PDIA5: variants seen among roughly 807,000 people sequenced by gnomAD.
PDIA5 encodes protein disulfide-isomerase A5.
PDIA5 carries 58 observed loss-of-function variants against 77.6 expected under a neutral mutation model. The observed-to-expected ratio is 0.75, with a 90% CI of 0.61 to 0.93. The LOEUF is 0.93. Among genes scored for constraint, PDIA5 ranks in the 40% least tolerant of loss-of-function variants. PDIA5 has a pLI of 0.00. For missense variants in PDIA5, 630 were observed against 647.7 expected (o/e 0.97, Z 0.30); for synonymous variants, 250 against 252.1 (o/e 0.99, Z 0.08).
intron 14 of PDIA5, among the ~76,000 whole-genome samples, chr3:123,152,632 G>A (rs955744586): frequency 6.6e-6 from 1 of 152,052 alleles, no homozygotes; most frequent in African/African-American, 2.4e-5. Context: ...GCCTGATAGA[G>A]GTCTAAAGGA....
At chr3:123,077,604 G>A (rs947116114) in intron 1 of PDIA5, among the ~76,000 whole-genome samples, 5 of 151,334 alleles carry the variant, frequency 3.3e-5, no homozygotes, top group Admixed American at 2.6e-4. Context: ...CCACCATTCA[G>A]GGACTCATGT....
chr3:123,160,882 A>G (rs887505501), intron 15 of PDIA5, among the ~76,000 whole-genome samples: 1 of 152,184 alleles, frequency 6.6e-6, no homozygotes, highest in Non-Finnish European at 1.5e-5. Context: ...CCAAGAGTGC[A>G]CTTGGGGAAC....
chr3:123,152,163 G>A, intron 14 of PDIA5, among the ~76,000 whole-genome samples: 1 of 143,208 alleles, frequency 7.0e-6, no homozygotes, highest in Admixed American at 6.9e-5. Flanking sequence ...CTGCCTTCCA[G>A]CCTGCCTGCC....
intron 1 of PDIA5, among the ~76,000 whole-genome samples, chr3:123,076,970 C>G (rs1027668871): frequency 2.6e-5 from 4 of 152,220 alleles, no homozygotes; most frequent in African/African-American, 9.7e-5. Context: ...TTGACAGCAA[C>G]ATTTGTGCCA....
chr3:123,074,079 A>G lies in PDIA5; in HGVS notation c.42+6873A>G, dbSNP rs560833734. 4.6e-5 allele frequency among the ~76,000 whole-genome samples: 7 copies of G among 152,290 alleles called. No individual in the cohort carries two copies. In the South Asian group the frequency reaches 1.4e-3, roughly 32 times the overall value. On this transcript the variant is annotated intron_variant, in intron 1 of 16. Transcript: ENST00000316218. Reference sequence around the variant, plus strand: ...GGGCAGAGTATTAGTACATGCCCCTATTTCAAAGGAAGGTGGACCAACATC... The same window carrying G: ...GGGCAGAGTATTAGTACATGCCCCTGTTTCAAAGGAAGGTGGACCAACATC...
At chr3:123,096,698 T>C (rs1040568826) in intron 3 of PDIA5, among the ~76,000 whole-genome samples, 1 of 152,200 alleles carries the variant, frequency 6.6e-6, no homozygotes, top group Non-Finnish European at 1.5e-5. Context: ...ATCTGACTTC[T>C]GTCTAGGGTT....
intron 1 of PDIA5, among the ~76,000 whole-genome samples, chr3:123,087,918 C>G (rs535105116): frequency 6.6e-6 from 1 of 152,298 alleles, no homozygotes; most frequent in East Asian, 1.9e-4. Flanking sequence ...TCAGTTTCCC[C>G]AGAGGGAAAT....
intron 8 of PDIA5, among the ~76,000 whole-genome samples, chr3:123,118,354 C>G (rs187281065): frequency 6.6e-6 from 1 of 152,316 alleles, no homozygotes; most frequent in Admixed American, 6.5e-5. Context: ...CCACAGTATT[C>G]TCTCTGCCTG....
chr3:123,124,386 G>T, intron 10 of PDIA5, 43 bp downstream of exon 10: 1 of 1,429,340 alleles, frequency 7.0e-7, no homozygotes, highest in South Asian at 1.1e-5. Context: ...GACCCAGAGG[G>T]CGGGGCATCT....
intron 15 of PDIA5, among the ~76,000 whole-genome samples, chr3:123,160,833 G>A (rs1395578840): frequency 6.6e-6 from 1 of 152,118 alleles, no homozygotes; most frequent in Non-Finnish European, 1.5e-5. Context: ...GGCACCAAGA[G>A]GCTGAGTTAT....
chr3:123,158,822 A>G (rs947980682), intron 15 of PDIA5, among the ~76,000 whole-genome samples: 2 of 152,258 alleles, frequency 1.3e-5, no homozygotes, highest in Admixed American at 1.3e-4. Context: ...TGATCAGTGC[A>G]AATCTTGAGT....
chr3:123,118,440 C>T (rs945515874), intron 8 of PDIA5, among the ~76,000 whole-genome samples: 12 of 152,136 alleles, frequency 7.9e-5, no homozygotes, highest in African/African-American at 2.9e-4. Context: ...AGCTCAGCCC[C>T]AAATCAGATC....
At chr3:123,142,642 A>G (rs1935668377) in intron 11 of PDIA5, among the ~76,000 whole-genome samples, 1 of 152,232 alleles carries the variant, frequency 6.6e-6, no homozygotes, top group Non-Finnish European at 1.5e-5. Flanking sequence ...TGCAGGGGAC[A>G]TTAAGAATAT....
intron 11 of PDIA5, among the ~76,000 whole-genome samples, chr3:123,136,956 C>G (rs1935519609): frequency 6.6e-6 from 1 of 152,012 alleles, no homozygotes; most frequent in East Asian, 1.9e-4. Context: ...TAAACCATTC[C>G]CCTACTGATA....
At chr3:123,122,400 A>G (rs938642231) in intron 8 of PDIA5, among the ~76,000 whole-genome samples, 1 of 152,220 alleles carries the variant, frequency 6.6e-6, no homozygotes, top group Non-Finnish European at 1.5e-5. Flanking sequence ...TCGAATTCAA[A>G]TTTATTCTTC....
At chr3:123,154,856 G>T in intron 14 of PDIA5, 115 bp from the exon 15 acceptor site, 1 of 736,278 alleles carries the variant, frequency 1.4e-6, no homozygotes, top group South Asian at 1.5e-5. Context: ...CAGTGTGGCG[G>T]GCAGTGGGGA....
intron 15 of PDIA5, among the ~76,000 whole-genome samples, chr3:123,157,478 C>T (rs901753474): frequency 2.6e-5 from 4 of 152,212 alleles, no homozygotes; most frequent in African/African-American, 9.7e-5. Flanking sequence ...CAGAGAGGAG[C>T]TGTGTCCCTT....
intron 1 of PDIA5, among the ~76,000 whole-genome samples, chr3:123,085,675 C>T (rs1934120867): frequency 6.6e-6 from 1 of 152,192 alleles, no homozygotes. Context: ...GCTCTGGGCT[C>T]ACCCTCCCTC....
intron 11 of PDIA5, among the ~76,000 whole-genome samples, chr3:123,139,860 G>C (rs1046951585): frequency 2.0e-5 from 3 of 152,144 alleles, no homozygotes; most frequent in Non-Finnish European, 2.9e-5. Flanking sequence ...GGAATATGGT[G>C]GCCAATTAGA....
Sources: gnomAD v4.1 joint callset for allele counts (sites outside exome capture counted in the v4.1 genomes callset) on GRCh38, gnomAD v4.1.1 for gene constraint, MANE v1.5 for transcripts, NCBI Gene and HGNC (gene_info 2026-07-23, HGNC 2026-07-21) for gene names.